Variants in RPS6KC1 observed in about 807,000 individuals in gnomAD.
RPS6KC1 encodes the protein ribosomal protein S6 kinase C1.
RPS6KC1 carries 54 observed loss-of-function variants against 103.8 expected under a neutral mutation model. The ratio of observed to expected loss-of-function variants is 0.52; its 90% CI spans 0.42 to 0.65. The LOEUF is 0.65. RPS6KC1 is among the 30% of genes least tolerant of loss of function. RPS6KC1 has a pLI of 0.00. For synonymous variants in RPS6KC1, 439 were observed against 438.7 expected, an observed-to-expected ratio of 1.00 and a Z score of -0.01; for missense variants, 1,151 against 1,253.8, an observed-to-expected ratio of 0.92 and a Z score of 1.24.
At chr1:213,694,916 C>T in the RPS6KC1 span, among the ~76,000 whole-genome samples, 1 of 152,150 alleles carries the variant, frequency 6.6e-6, no homozygotes, top group Non-Finnish European at 1.5e-5. Flanking sequence ...AAGAAGCTCA[C>T]AGAGAGATGG....
intron 11 of RPS6KC1, 96 bp downstream of exon 11, chr1:213,242,393 G>A (rs571310933): frequency 2.1e-6 from 3 of 1,407,182 alleles, no homozygotes; most frequent in South Asian, 1.2e-5. Context: ...TTCATTTCCT[G>A]TCTAGAGCTT....
the RPS6KC1 span, among the ~76,000 whole-genome samples, chr1:213,493,393 T>C: frequency 6.6e-6 from 1 of 152,162 alleles, no homozygotes; most frequent in African/African-American, 2.4e-5. Flanking sequence ...TAGGCTCTGA[T>C]GTAGCTCTCA....
At chr1:213,856,649 A>C in the RPS6KC1 span, among the ~76,000 whole-genome samples, 1 of 152,224 alleles carries the variant, frequency 6.6e-6, no homozygotes, top group African/African-American at 2.4e-5. Context: ...AGTTATACTC[A>C]TAGAAAATCT....
chr1:213,626,608 G>T, the RPS6KC1 span, among the ~76,000 whole-genome samples: 5,713 of 152,274 alleles, frequency 0.038, 209 homozygotes, highest in African/African-American at 0.099. Flanking sequence ...TTTGTATAAG[G>T]TGTGAGGAAG....
the RPS6KC1 span, among the ~76,000 whole-genome samples, chr1:213,795,091 C>G: frequency 8.7e-3 from 1,331 of 152,272 alleles, 20 homozygotes; most frequent in African/African-American, 0.031. Flanking sequence ...GGACCATCAT[C>G]TAAATTTCTG....
At chr1:213,141,345 G>T (rs894588933) in intron 6 of RPS6KC1, among the ~76,000 whole-genome samples, 1 of 152,122 alleles carries the variant, frequency 6.6e-6, no homozygotes, top group East Asian at 1.9e-4. Flanking sequence ...GTTCAGTCTT[G>T]GGAGGTGGTA....
chr1:213,603,466 T>C, the RPS6KC1 span, among the ~76,000 whole-genome samples: 68 of 152,366 alleles, frequency 4.5e-4, no homozygotes, highest in Middle Eastern at 3.4e-3. Context: ...GCTGGTCTTT[T>C]ATTTTTTATC....
chr1:213,262,084 A>G (rs555154796), intron 13 of RPS6KC1, among the ~76,000 whole-genome samples: 5 of 152,154 alleles, frequency 3.3e-5, no homozygotes, highest in South Asian at 2.1e-4. Flanking sequence ...AATTTTTCCT[A>G]TCTGTTCTAG....
intron 6 of RPS6KC1, among the ~76,000 whole-genome samples, chr1:213,156,933 T>C (rs2089953656): frequency 6.6e-6 from 1 of 152,180 alleles, no homozygotes; most frequent in African/African-American, 2.4e-5. Flanking sequence ...TTCATTTTTT[T>C]CTCCTTTCAC....
intron 12 of RPS6KC1, among the ~76,000 whole-genome samples, chr1:213,251,014 G>T (rs926565382): frequency 1.3e-5 from 2 of 151,786 alleles, no homozygotes; most frequent in Admixed American, 6.6e-5. Context: ...ATGGAATTAG[G>T]TGCCTAAATT....
At chr1:213,458,262 G>C in the RPS6KC1 span, among the ~76,000 whole-genome samples, 1 of 152,124 alleles carries the variant, frequency 6.6e-6, no homozygotes, top group African/African-American at 2.4e-5. Flanking sequence ...TTGGTTTTCT[G>C]TTCCTACATT....
intron 3 of RPS6KC1, among the ~76,000 whole-genome samples, chr1:213,094,976 C>T (rs184111019): frequency 6.6e-6 from 1 of 152,244 alleles, no homozygotes; most frequent in African/African-American, 2.4e-5. Flanking sequence ...ATTAAAAAAT[C>T]ATAGAATCAT....
the RPS6KC1 span, among the ~76,000 whole-genome samples, chr1:213,544,679 A>G: frequency 6.6e-6 from 1 of 152,122 alleles, no homozygotes; most frequent in Admixed American, 6.6e-5. Context: ...CTTTGCTTGC[A>G]TCTCATGGTG....
At chr1:213,452,111 C>T in the RPS6KC1 span, among the ~76,000 whole-genome samples, 2 of 152,194 alleles carry the variant, frequency 1.3e-5, no homozygotes, top group African/African-American at 4.8e-5. Context: ...ATTGTTCCCT[C>T]ACACTTTTGA....
the RPS6KC1 span, among the ~76,000 whole-genome samples, chr1:213,549,806 T>C: frequency 1.3e-5 from 2 of 152,024 alleles, no homozygotes; most frequent in African/African-American, 4.8e-5. Context: ...TTTCTGGGGC[T>C]CATCATCAGC....
chr1:213,836,615 T>C, the RPS6KC1 span, among the ~76,000 whole-genome samples: 25 of 152,282 alleles, frequency 1.6e-4, no homozygotes, highest in African/African-American at 5.3e-4. Context: ...GCAGTGTTTT[T>C]TCAAACTTTT....
At chr1:213,862,313 C>T in the RPS6KC1 span, among the ~76,000 whole-genome samples, 2 of 152,114 alleles carry the variant, frequency 1.3e-5, no homozygotes, top group African/African-American at 4.8e-5. Flanking sequence ...CTTCCAGGCC[C>T]AATATTTACC....
chr1:213,642,436 T>C, the RPS6KC1 span, among the ~76,000 whole-genome samples: 9 of 152,268 alleles, frequency 5.9e-5, no homozygotes, highest in East Asian at 5.8e-4. Context: ...TTATTTAATA[T>C]CACACGTTCT....
chr1:213,251,449 C>T (rs1248039171), intron 12 of RPS6KC1, among the ~76,000 whole-genome samples: 1 of 152,188 alleles, frequency 6.6e-6, no homozygotes, highest in African/African-American at 2.4e-5. Context: ...TGTGCCAGAG[C>T]AAACTGTACC....
Sources: allele counts gnomAD v4.1 joint callset (sites outside exome capture counted in the v4.1 genomes callset), GRCh38; gene constraint gnomAD v4.1.1; transcripts MANE v1.5; gene names NCBI Gene and HGNC (gene_info 2026-07-23, HGNC 2026-07-21).